Variants in DHRS3 observed in about 807,000 individuals in gnomAD.
DHRS3 encodes the protein short-chain dehydrogenase/reductase 3.
DHRS3 carries 14 observed loss-of-function variants against 27.2 expected under a neutral mutation model. The ratio of observed to expected loss-of-function variants is 0.52; its 90% CI spans 0.34 to 0.81. The LOEUF (loss-of-function observed/expected upper bound fraction) is 0.81. DHRS3 is among the 30% of genes least tolerant of loss of function. DHRS3 has a pLI of 0.01. For missense variants in DHRS3, 322 were observed against 406.2 expected (o/e 0.79, Z 1.78); for synonymous variants, 165 against 175.9 (o/e 0.94, Z 0.49).
rs1557525828 is a variant in DHRS3, at chr1:12,594,753, ACAG to A, written c.196-14090_196-14088del. Among the ~76,000 whole-genome samples, 1 of 152,286 alleles carries A rather than the reference ACAG, an allele frequency of 6.6e-6. No homozygotes were observed. Among genetic ancestry groups the A allele is most frequent in the East Asian group, 1.9e-4 (1 of 5,180 alleles). On this transcript the variant is annotated intron_variant, in intron 1 of 5. Transcript: ENST00000616661. This position sits in a 1 kb window ranked among gnomAD's most constrained non-coding sequence, Gnocchi z 4.1. ...GAAGAGCAAGCGGGAGACACCAGCC[ACAG>A]CAGGACTTTGAATTCTTTTCTGAGA...
chr1:12,601,456 T>C (rs1312633470), intron 1 of DHRS3, among the ~76,000 whole-genome samples: 2 of 151,900 alleles, frequency 1.3e-5, no homozygotes, highest in Non-Finnish European at 2.9e-5. Flanking sequence ...GGCAGAGAGG[T>C]CTGCCTCAAA....
chr1:12,587,609 A>C (rs1172357997), intron 1 of DHRS3, among the ~76,000 whole-genome samples: 2 of 151,896 alleles, frequency 1.3e-5, no homozygotes, highest in African/African-American at 4.8e-5. Flanking sequence ...TAGGAGGCTG[A>C]GGTGGGAGGA....
chr1:12,580,639 A>T lies in DHRS3; in HGVS notation c.223T>A (p.Cys75Ser). The change falls in exon 2 of 6, where the codon TGC becomes AGC. Residue 75 changes from cysteine (C) to serine (S), a missense_variant. Transcript: ENST00000616661. The part of the protein sequence containing the change: ...KIVLWGRTEK[C>S]LKETTEEIRQ... ...ATCTCCTCCGTCGTCTCCTTCAGGC[A>T]TTTCTCAGTCCGGCCCCAGAGAACA... 6.2e-7 allele frequency: 1 copy of T among 1,613,960 alleles called. No homozygotes were observed. Among genetic ancestry groups the T allele is most frequent in the East Asian group, 2.2e-5 (1 of 44,882 alleles).
chr1:12,612,410 G>C (rs745563402), intron 1 of DHRS3, among the ~76,000 whole-genome samples: 1 of 152,076 alleles, frequency 6.6e-6, no homozygotes, highest in Non-Finnish European at 1.5e-5. Flanking sequence ...ATGTTTTCTT[G>C]CTTCCCTTTC....
chr1:12,590,099 C>G (rs1646732835), intron 1 of DHRS3, among the ~76,000 whole-genome samples: 1 of 152,076 alleles, frequency 6.6e-6, no homozygotes, highest in African/African-American at 2.4e-5. Context: ...TAGAGACCAG[C>G]TGTCAAAACT....
At position 12,586,536 on chromosome 1, in the gene DHRS3, C is replaced by T. The variant is rs1367720391; in HGVS notation, c.196-5870G>A. On this transcript the variant is annotated intron_variant, in intron 1 of 5. Coordinates refer to ENST00000616661, the MANE Select transcript of DHRS3 (RefSeq NM_004753.7). The surrounding 1 kb of genome is among the most constrained non-coding windows in gnomAD (Gnocchi z 5.0). ...AACAGAGAATGAAGCAGATGTAATC[C>T]TACTTCAAGGAACCCACATTCCAGT... Among the ~76,000 whole-genome samples the T allele has an allele frequency of 6.6e-6, 1 of 152,212 alleles. No individual in the cohort carries two copies. Among genetic ancestry groups the T allele is most frequent in the Non-Finnish European group, 1.5e-5 (1 of 68,036 alleles).
At chr1:12,580,366 C>T (rs760547599) in intron 2 of DHRS3, 157 bp downstream of exon 2, 2 of 919,874 alleles carry the variant, frequency 2.2e-6, no homozygotes, top group Non-Finnish European at 3.4e-6. Flanking sequence ...GCCTATGTAA[C>T]TGGGGCCAGC....
At position 12,586,910 on chromosome 1, in the gene DHRS3, A is replaced by G. The variant is rs1293375884; in HGVS notation, c.196-6244T>C. Among the ~76,000 whole-genome samples, 2 of 152,130 alleles carry G rather than the reference A, an allele frequency of 1.3e-5. No individual in the cohort carries two copies. The highest frequency in any genetic ancestry group is 2.9e-5 in the Non-Finnish European group (2 of 68,034). On this transcript the variant is annotated intron_variant, in intron 1 of 5. Coordinates refer to ENST00000616661, the MANE Select transcript of DHRS3 (RefSeq NM_004753.7). The surrounding 1 kb of genome is among the most constrained non-coding windows in gnomAD (Gnocchi z 5.0). ...GGCACCCACTAACTAACTGCTCAGTACCCACTCCCTGTTGGTATTTCCCGT... is the reference window on the plus strand; with the variant it reads ...GGCACCCACTAACTAACTGCTCAGTGCCCACTCCCTGTTGGTATTTCCCGT...
At position 12,617,456 on chromosome 1, in the gene DHRS3, G is replaced by C; in HGVS notation, c.-108C>G. 1 of 1,187,404 alleles carries C rather than the reference G, an allele frequency of 8.4e-7. No homozygotes were observed. The highest frequency in any genetic ancestry group is 1.2e-6 in the Non-Finnish European group (1 of 869,188). The allele number at this position is 1,187,404 out of a possible 1,614,324, so 73.6% of individuals were successfully genotyped here. A position where few individuals can be genotyped will look rare whatever the true frequency, so the allele number is the denominator to read the frequency against. The stretch of plus-strand genomic sequence containing the variant: ...TAGTAAACCGAATAAGGAGGAGAGA[G>C]GCGTCCCACCTGGCCACTCTTGAAA... On this transcript the variant is annotated 5_prime_UTR_variant, in exon 1 of 6. Transcript: ENST00000616661.
Position 12,594,766 on chromosome 1 carries a change from G to T in DHRS3, c.196-14100C>A, listed in dbSNP as rs563956407. Among the ~76,000 whole-genome samples, 1 of 152,274 alleles carries T rather than the reference G, an allele frequency of 6.6e-6. No individual in the cohort carries two copies. The highest frequency in any genetic ancestry group is 1.9e-4 in the East Asian group (1 of 5,182). On this transcript the variant is annotated intron_variant, in intron 1 of 5. Transcript: ENST00000616661. This position sits in a 1 kb window ranked among gnomAD's most constrained non-coding sequence, Gnocchi z 4.1. Reference sequence around the variant, plus strand: ...GAGACACCAGCCACAGCAGGACTTTGAATTCTTTTCTGAGATGGGGTAGAT... The same window carrying T: ...GAGACACCAGCCACAGCAGGACTTTTAATTCTTTTCTGAGATGGGGTAGAT...
At chr1:12,604,653 T>C (rs534816734) in intron 1 of DHRS3, among the ~76,000 whole-genome samples, 2 of 152,274 alleles carry the variant, frequency 1.3e-5, no homozygotes, top group Admixed American at 6.5e-5. Flanking sequence ...CTGAGATTAT[T>C]TGTTGCAGTG....
intron 1 of DHRS3, among the ~76,000 whole-genome samples, chr1:12,613,109 G>C: frequency 6.6e-6 from 1 of 151,874 alleles, no homozygotes; most frequent in East Asian, 1.9e-4. Context: ...CAGCAAGGAA[G>C]GCCATGGGAT....
intron 1 of DHRS3, among the ~76,000 whole-genome samples, chr1:12,598,784 T>C (rs1049873181): frequency 2.0e-5 from 3 of 152,224 alleles, no homozygotes; most frequent in Admixed American, 1.3e-4. Flanking sequence ...GACAAGGCAC[T>C]GAGACCCTGG....
At chr1:12,576,281 G>A (rs1381948813) in intron 4 of DHRS3, among the ~76,000 whole-genome samples, 2 of 151,810 alleles carry the variant, frequency 1.3e-5, no homozygotes, top group Non-Finnish European at 2.9e-5. Flanking sequence ...GCAGACTGCC[G>A]GCTGGGCGTG....
At chr1:12,579,929 A>G (rs934267571) in intron 2 of DHRS3, 10 of 186,546 alleles carry the variant, frequency 5.4e-5, no homozygotes, top group Non-Finnish European at 9.1e-5. Context: ...GTTATCCTGC[A>G]TACATAGAGG....
rs552970715 is a variant in DHRS3, at chr1:12,594,071, C to A, written c.196-13405G>T. Among the ~76,000 whole-genome samples, 10 of 152,198 alleles carry A rather than the reference C, an allele frequency of 6.6e-5. No individual in the cohort carries two copies. Among genetic ancestry groups the A allele is most frequent in the Non-Finnish European group, 1.2e-4 (8 of 68,032 alleles). On this transcript the variant is annotated intron_variant, in intron 1 of 5. Coordinates refer to ENST00000616661, the MANE Select transcript of DHRS3 (RefSeq NM_004753.7). The surrounding 1 kb of genome is among the most constrained non-coding windows in gnomAD (Gnocchi z 4.1). Reference sequence around the variant, plus strand: ...CCTCTTGCTGGAAAGTGCTGGGTGACCTTGGGGTGGGGGTGCCAAGGAGAG... The same window carrying A: ...CCTCTTGCTGGAAAGTGCTGGGTGAACTTGGGGTGGGGGTGCCAAGGAGAG...
rs1485489579 is a variant in DHRS3, at chr1:12,592,448, G to A, written c.196-11782C>T. 1.3e-5 allele frequency among the ~76,000 whole-genome samples: 2 copies of A among 152,204 alleles called. No homozygotes were observed. Among genetic ancestry groups the A allele is most frequent in the Admixed American group, 1.3e-4 (2 of 15,286 alleles). ...GAGACAGAAGAAAGACATACACAGA[G>A]GAGAGGAAGGCCGCGTGAAGATGGA... On this transcript the variant is annotated intron_variant, in intron 1 of 5. Coordinates refer to ENST00000616661, the MANE Select transcript of DHRS3 (RefSeq NM_004753.7). This position sits in a 1 kb window ranked among gnomAD's most constrained non-coding sequence, Gnocchi z 4.2.
Position 12,617,355 on chromosome 1 carries a change from C to T in DHRS3, c.-7G>A. ...CCAGCCGTTTCCACACCATCCTCCG[C>T]GCCGCGGAGCCGGGCAGGGGGCGAA... On this transcript the variant is annotated 5_prime_UTR_variant, in exon 1 of 6. Transcript: ENST00000616661. 6.3e-7 allele frequency: 1 copy of T among 1,595,074 alleles called. No individual in the cohort carries two copies. Among genetic ancestry groups the T allele is most frequent in the Non-Finnish European group, 8.6e-7 (1 of 1,165,674 alleles).
rs537850717 is a variant in DHRS3, at chr1:12,583,666, CCATT to C, written c.196-3004_196-3001del. Among the ~76,000 whole-genome samples the C allele has an allele frequency of 1.9e-3, 285 of 150,152 alleles. 3 individuals are homozygous for C. Among genetic ancestry groups the C allele is most frequent in the African/African-American group, 6.8e-3 (279 of 40,768 alleles). ...CACATACCCCACTCCATCCATCCAT[CCATT>C]CATCTGTCCATCCATCCATCCACCC... is the stretch of plus-strand genomic sequence containing the variant. On this transcript the variant is annotated intron_variant, in intron 1 of 5. Transcript: ENST00000616661.
Sources: allele counts gnomAD v4.1 joint callset (sites outside exome capture counted in the v4.1 genomes callset), GRCh38; gene constraint gnomAD v4.1.1; non-coding constraint Gnocchi (gnomAD v3.1); transcripts MANE v1.5; gene names NCBI Gene and HGNC (gene_info 2026-07-23, HGNC 2026-07-21).